CACHD1: variants seen among roughly 807,000 people sequenced by gnomAD.
CACHD1 encodes VWFA and cache domain-containing protein 1.
Under a neutral mutation model 138.7 loss-of-function variants are expected in CACHD1, and 71 were observed. That is an observed-to-expected ratio of 0.51 (90% CI 0.42 to 0.62). CACHD1 has a LOEUF of 0.62. Ranked by LOEUF, CACHD1 falls within the 20% of genes least tolerant of loss-of-function variation. The pLI is 0.00. For synonymous variants in CACHD1, 578 were observed against 591.5 expected, an observed-to-expected ratio of 0.98 and a Z score of 0.33; for missense variants, 1,389 against 1,625.3, an observed-to-expected ratio of 0.85 and a Z score of 2.50.
intron 1 of CACHD1, among the ~76,000 whole-genome samples, chr1:64,483,402 A>G (rs1406714835): frequency 6.6e-6 from 1 of 152,104 alleles, no homozygotes; most frequent in East Asian, 1.9e-4. Flanking sequence ...ATTTGAGTTT[A>G]TGTTGTCACA....
At position 64,664,735 on chromosome 1, in the gene CACHD1, TG is replaced by T. The variant is rs1174817089; in HGVS notation, c.2276+58del. 1.7e-5 allele frequency: 26 copies of T among 1,530,470 alleles called. No homozygotes were observed. The African/African-American group carries it at 2.3e-4, about 14-fold the overall frequency. 94.8% of individuals were successfully genotyped at this position (1,530,470 alleles called of 1,614,324 possible). On this transcript the variant is annotated intron_variant, in intron 15 of 26. Coordinates refer to ENST00000651257, the MANE Select transcript of CACHD1 (RefSeq NM_020925.4). ...TTCTCCCCCAAATCCTGGAGAGACA[TG>T]GTAAGTACATACAATAAAGCAACTT...
rs117928823 is a variant in CACHD1, at chr1:64,689,220, T to C, written c.3587-2103T>C. Among the ~76,000 whole-genome samples, 12 of 152,326 alleles carry C rather than the reference T, an allele frequency of 7.9e-5. No homozygotes were observed. The East Asian group carries it at 2.3e-3, about 29-fold the overall frequency. ...GCCCTGAATTTGCAGATGACACTTC[T>C]GAGATTCTGGCTAGACATCTCCACA... is the stretch of plus-strand genomic sequence containing the variant. On this transcript the variant is annotated intron_variant, in intron 26 of 26. Transcript: ENST00000651257.
chr1:64,534,046 T>TC (rs911753684), intron 1 of CACHD1, among the ~76,000 whole-genome samples: 2 of 143,792 alleles, frequency 1.4e-5, no homozygotes, highest in African/African-American at 5.1e-5. Context: ...AGCCCAGCAT[T>TC]TTTTTTTTTT....
intron 1 of CACHD1, among the ~76,000 whole-genome samples, chr1:64,516,020 GA>G (rs1337598379): frequency 1.3e-5 from 2 of 152,038 alleles, no homozygotes; most frequent in African/African-American, 2.4e-5. Context: ...TTGTTAATAG[GA>G]TTTTCATATA....
chr1:64,676,890 C>T lies in CACHD1; in HGVS notation c.2976-5C>T. 1.2e-6 allele frequency: 2 copies of T among 1,612,246 alleles called. No individual in the cohort carries two copies. The highest frequency in any genetic ancestry group is 1.7e-6 in the Non-Finnish European group (2 of 1,178,800). ...TCTTAACCTCCAGACTTACCTCCTG[C>T]ACAGAAACCCCAGCTGCGAGGTCCA... On this transcript the variant is annotated splice_polypyrimidine_tract_variant and splice_region_variant and intron_variant, in intron 21 of 26. Transcript: ENST00000651257.
chr1:64,497,457 A>T (rs1292397556), intron 1 of CACHD1, among the ~76,000 whole-genome samples: 1 of 152,208 alleles, frequency 6.6e-6, no homozygotes, highest in Non-Finnish European at 1.5e-5. Context: ...GAAAGTAGGG[A>T]AAGATGGAAG....
intron 1 of CACHD1, among the ~76,000 whole-genome samples, chr1:64,499,304 C>G (rs1646324276): frequency 6.6e-6 from 1 of 152,170 alleles, no homozygotes; most frequent in South Asian, 2.1e-4. Context: ...AAATTGGATT[C>G]TAGCAACTGG....
At chr1:64,636,988 A>G (rs555636407) in intron 7 of CACHD1, among the ~76,000 whole-genome samples, 8 of 152,328 alleles carry the variant, frequency 5.3e-5, no homozygotes, top group Admixed American at 3.3e-4. Flanking sequence ...AGCATCAGCT[A>G]TCCACAAGCC....
chr1:64,686,665 T>C (rs1482566731), intron 26 of CACHD1, among the ~76,000 whole-genome samples: 1 of 152,194 alleles, frequency 6.6e-6, no homozygotes. Context: ...TATTTTTAAG[T>C]CAAAAAACAC....
At chr1:64,570,691 T>C (rs1646920203) in intron 2 of CACHD1, among the ~76,000 whole-genome samples, 1 of 152,120 alleles carries the variant, frequency 6.6e-6, no homozygotes, top group Admixed American at 6.5e-5. Flanking sequence ...ACACACAGAA[T>C]AGTTCAGAGA....
intron 7 of CACHD1, among the ~76,000 whole-genome samples, chr1:64,640,736 C>T (rs1264625384): frequency 3.5e-5 from 5 of 141,626 alleles, no homozygotes; most frequent in African/African-American, 8.1e-5. Flanking sequence ...CACACACTCT[C>T]AACATTATAT....
chr1:64,611,067 C>T (rs1199385478), intron 4 of CACHD1, among the ~76,000 whole-genome samples: 2 of 152,182 alleles, frequency 1.3e-5, no homozygotes, highest in African/African-American at 4.8e-5. Context: ...TGCCTTGGCC[C>T]CTTTTAGCCA....
intron 5 of CACHD1, among the ~76,000 whole-genome samples, chr1:64,630,896 A>G (rs1195553566): frequency 6.6e-6 from 1 of 152,254 alleles, no homozygotes; most frequent in Non-Finnish European, 1.5e-5. Flanking sequence ...TGCACTAATT[A>G]GCCCTTGAAC....
At chr1:64,550,006 T>C (rs1646747036) in intron 1 of CACHD1, among the ~76,000 whole-genome samples, 1 of 152,148 alleles carries the variant, frequency 6.6e-6, no homozygotes, top group South Asian at 2.1e-4. Flanking sequence ...TTGTGTGCTG[T>C]AGTTTGGCCT....
intron 1 of CACHD1, among the ~76,000 whole-genome samples, chr1:64,537,499 G>A (rs921454143): frequency 6.6e-6 from 1 of 152,192 alleles, no homozygotes; most frequent in South Asian, 2.1e-4. Flanking sequence ...GAAGAGGCCA[G>A]TTTGTTGAGA....
At chr1:64,495,426 T>C (rs2100307719) in intron 1 of CACHD1, among the ~76,000 whole-genome samples, 1 of 152,338 alleles carries the variant, frequency 6.6e-6, no homozygotes, top group South Asian at 2.1e-4. Flanking sequence ...TCTTAATTTA[T>C]TTCTTTTTGA....
intron 1 of CACHD1, among the ~76,000 whole-genome samples, chr1:64,515,532 C>T (rs918451313): frequency 6.6e-6 from 1 of 151,946 alleles, no homozygotes; most frequent in Non-Finnish European, 1.5e-5. Context: ...CATTTTTTCC[C>T]TTCTTAAATC....
At chr1:64,637,529 A>AT (rs1276529168) in intron 7 of CACHD1, among the ~76,000 whole-genome samples, 1 of 152,244 alleles carries the variant, frequency 6.6e-6, no homozygotes, top group Non-Finnish European at 1.5e-5. Context: ...TCTCACAGAC[A>AT]TTCCTGCACT....
intron 1 of CACHD1, among the ~76,000 whole-genome samples, chr1:64,490,857 G>A (rs1280596024): frequency 6.6e-6 from 1 of 152,168 alleles, no homozygotes; most frequent in African/African-American, 2.4e-5. Flanking sequence ...TCTCAGGGAA[G>A]TCAGCAAATG....
Sources: allele counts gnomAD v4.1 joint callset (sites outside exome capture counted in the v4.1 genomes callset), GRCh38; gene constraint gnomAD v4.1.1; transcripts MANE v1.5; gene names NCBI Gene and HGNC (gene_info 2026-07-23, HGNC 2026-07-21).